The following POU2F1 variants were observed in gnomAD, a reference collection of about 807,000 sequenced individuals.
The protein encoded by POU2F1 is POU class 2 homeobox 1.
Under a neutral mutation model 84.9 loss-of-function variants are expected in POU2F1, and 16 were observed. That is an observed-to-expected ratio of 0.19 (90% CI 0.13 to 0.29). The LOEUF (loss-of-function observed/expected upper bound fraction) is 0.29. POU2F1 is among the 10% of genes least tolerant of loss of function. The pLI, the probability that POU2F1 is intolerant of heterozygous loss-of-function variation, is 1.00. For missense variants in POU2F1, 738 were observed against 942.6 expected (o/e 0.78, Z 2.84); for synonymous variants, 368 against 368.3 (o/e 1.00, Z 0.01).
At chr1:167,350,343 A>G (rs1406653549) in intron 2 of POU2F1, among the ~76,000 whole-genome samples, 1 of 152,152 alleles carries the variant, frequency 6.6e-6, no homozygotes, top group Non-Finnish European at 1.5e-5. Context: ...CTATTTACAA[A>G]TATTTTCCAG....
Position 167,419,315 on chromosome 1 carries a change from GTA to G in POU2F1, c.*3507_*3508del, listed in dbSNP as rs1157946375. The G allele has an allele frequency of 1.3e-5, 2 of 152,070 alleles. No individual in the cohort carries two copies. The highest frequency in any genetic ancestry group is 4.8e-5 in the African/African-American group (2 of 41,414). The allele number at this position is 152,070 out of a possible 1,614,324, so 9.4% of individuals were successfully genotyped here. A position where few individuals can be genotyped will look rare whatever the true frequency, so the allele number is the denominator to read the frequency against. On this transcript the variant is annotated 3_prime_UTR_variant, in exon 16 of 16. Transcript: ENST00000367866. ...GCCAGATAGGTCATCACAATTCATT[GTA>G]TTATTCTTTTTTTTTCCCCTTAATG... is the stretch of plus-strand genomic sequence containing the variant.
intron 1 of POU2F1, among the ~76,000 whole-genome samples, chr1:167,297,971 A>G (rs1025399275): frequency 1.3e-5 from 2 of 151,872 alleles, no homozygotes; most frequent in African/African-American, 2.4e-5. Context: ...AAAAAAAAAT[A>G]CAAAATTAGC....
chr1:167,360,377 A>G (rs999100769), intron 2 of POU2F1, among the ~76,000 whole-genome samples: 46 of 152,182 alleles, frequency 3.0e-4, no homozygotes, highest in Non-Finnish European at 1.3e-4. Context: ...ATTTTTGTAT[A>G]TAGTGAGACG....
chr1:167,416,087 T>TAAAAAAAAAAC lies in POU2F1; in HGVS notation c.*287_*288insCAAAAAAAAAA. On this transcript the variant is annotated 3_prime_UTR_variant, in exon 16 of 16. Coordinates refer to ENST00000367866, the MANE Select transcript of POU2F1 (RefSeq NM_002697.4). ...ATTGGAGAACTTTCTAACCAAAAAT[T>TAAAAAAAAAAC]AAAAAAAAAAAAAAAAAAAGAAACA... is the stretch of plus-strand genomic sequence containing the variant. 2.8e-6 allele frequency: 1 copy of TAAAAAAAAAAC among 351,044 alleles called. No individual in the cohort carries two copies. Among genetic ancestry groups the TAAAAAAAAAAC allele is most frequent in the Non-Finnish European group, 5.2e-6 (1 of 192,874 alleles). The allele number at this position is 351,044 out of a possible 1,614,324, so 21.7% of individuals were successfully genotyped here. A position where few individuals can be genotyped will look rare whatever the true frequency, so the allele number is the denominator to read the frequency against.
intron 5 of POU2F1, among the ~76,000 whole-genome samples, chr1:167,372,612 T>C (rs1380450469): frequency 1.3e-5 from 2 of 152,224 alleles, no homozygotes; most frequent in African/African-American, 4.8e-5. Flanking sequence ...TTGGAGATAA[T>C]ACATGTAAAA....
chr1:167,229,706 T>G (rs1648913180), intron 1 of POU2F1, among the ~76,000 whole-genome samples: 1 of 152,128 alleles, frequency 6.6e-6, no homozygotes, highest in South Asian at 2.1e-4. Context: ...AATCAGGAAT[T>G]TTATTACTTG....
rs1013701169 is a variant in POU2F1 at position 167,413,013 on chromosome 1, T to C, written c.1902-13T>C. On this transcript the variant is annotated splice_polypyrimidine_tract_variant and intron_variant, in intron 14 of 15. Coordinates refer to ENST00000367866, the MANE Select transcript of POU2F1 (RefSeq NM_002697.4). ...TGCATGGTAATAAAGTGACTCCTCT[T>C]TTGGACTTGCAGAGGTGCCTTACTC... 1 of 1,609,724 alleles carries C rather than the reference T, an allele frequency of 6.2e-7. No homozygotes were observed. The highest frequency in any genetic ancestry group is 1.1e-5 in the South Asian group (1 of 90,952).
intron 1 of POU2F1, among the ~76,000 whole-genome samples, chr1:167,251,429 A>C (rs1302366890): frequency 2.0e-5 from 3 of 152,032 alleles, no homozygotes; most frequent in Non-Finnish European, 4.4e-5. Flanking sequence ...AAATAAATAA[A>C]ATTAAGCTAA....
intron 1 of POU2F1, among the ~76,000 whole-genome samples, chr1:167,229,817 A>G (rs921569922): frequency 6.6e-6 from 1 of 152,190 alleles, no homozygotes; most frequent in South Asian, 2.1e-4. Context: ...CTTAGGAGGA[A>G]TGGACACTCC....
At chr1:167,403,216 C>T (rs1050359160) in intron 13 of POU2F1, among the ~76,000 whole-genome samples, 2 of 152,012 alleles carry the variant, frequency 1.3e-5, no homozygotes, top group African/African-American at 4.8e-5. Context: ...ACAGGAAAAA[C>T]AATCACAAGT....
chr1:167,391,955 A>T (rs189265440), intron 9 of POU2F1, among the ~76,000 whole-genome samples: 1 of 152,162 alleles, frequency 6.6e-6, no homozygotes, highest in Non-Finnish European at 1.5e-5. Flanking sequence ...ATTTTAGAGG[A>T]AATACAGTTA....
At chr1:167,277,043 T>A (rs143411867) in intron 1 of POU2F1, among the ~76,000 whole-genome samples, 246 of 152,312 alleles carry the variant, frequency 1.6e-3, no homozygotes, top group Middle Eastern at 0.01. Context: ...TCAGTGACCT[T>A]CAGGTCATGA....
chr1:167,237,905 G>T (rs373915528), intron 1 of POU2F1, among the ~76,000 whole-genome samples: 7 of 146,628 alleles, frequency 4.8e-5, no homozygotes, highest in South Asian at 4.5e-4. Flanking sequence ...TCAGCCTCCC[G>T]AGTAGCTGGG....
At chr1:167,250,005 ATTC>A (rs1650602124) in intron 1 of POU2F1, among the ~76,000 whole-genome samples, 1 of 152,138 alleles carries the variant, frequency 6.6e-6, no homozygotes, top group Non-Finnish European at 1.5e-5. Flanking sequence ...TTGACATTTT[ATTC>A]TTGTTTGCAT....
intron 1 of POU2F1, among the ~76,000 whole-genome samples, chr1:167,261,817 T>G (rs1651590688): frequency 6.6e-6 from 1 of 152,198 alleles, no homozygotes; most frequent in African/African-American, 2.4e-5. Flanking sequence ...CTTGAGTAGC[T>G]GGGATTACAG....
chr1:167,284,614 A>G (rs928603817), intron 1 of POU2F1, among the ~76,000 whole-genome samples: 1 of 152,236 alleles, frequency 6.6e-6, no homozygotes, highest in Non-Finnish European at 1.5e-5. Context: ...AGATACTGGT[A>G]TAACTATGAT....
chr1:167,390,102 G>A (rs1433451624), intron 9 of POU2F1, among the ~76,000 whole-genome samples: 3 of 152,184 alleles, frequency 2.0e-5, no homozygotes, highest in Non-Finnish European at 4.4e-5. Flanking sequence ...TGGTATCCAA[G>A]GGAGGTCCCG....
At chr1:167,338,589 A>G (rs1657633600) in intron 2 of POU2F1, among the ~76,000 whole-genome samples, 1 of 152,242 alleles carries the variant, frequency 6.6e-6, no homozygotes, top group Admixed American at 6.5e-5. Context: ...ACCAAAAAAG[A>G]AAGAGATAGA....
At chr1:167,362,327 A>G (rs1659401930) in intron 2 of POU2F1, among the ~76,000 whole-genome samples, 1 of 152,146 alleles carries the variant, frequency 6.6e-6, no homozygotes, top group South Asian at 2.1e-4. Flanking sequence ...ACTGTTTTGT[A>G]TTCTGTTATG....
Sources: allele counts gnomAD v4.1 joint callset (sites outside exome capture counted in the v4.1 genomes callset), GRCh38; gene constraint gnomAD v4.1.1; transcripts MANE v1.5; gene names NCBI Gene and HGNC (gene_info 2026-07-23, HGNC 2026-07-21).